ADAMTSL1: variants seen among roughly 807,000 people sequenced by gnomAD.
The protein encoded by ADAMTSL1 is ADAMTS-like protein 1.
A neutral mutation model predicts 201.8 loss-of-function variants in ADAMTSL1; 126 were observed. The ratio of observed to expected loss-of-function variants is 0.62; its 90% CI spans 0.54 to 0.72. The LOEUF (loss-of-function observed/expected upper bound fraction) is 0.72, where lower values mean the gene tolerates loss of function less well. ADAMTSL1 is among the 30% of genes least tolerant of loss of function. ADAMTSL1 has a pLI of 0.00. For missense variants in ADAMTSL1, 2,679 were observed against 2,277.8 expected (o/e 1.18, Z -3.59); for synonymous variants, 1,121 against 903.4 (o/e 1.24, Z -4.32).
intron 23 of ADAMTSL1, among the ~76,000 whole-genome samples, chr9:18,881,904 A>G (rs1303471361): frequency 6.6e-6 from 1 of 152,162 alleles, no homozygotes; most frequent in Non-Finnish European, 1.5e-5. Context: ...TGCACGAGGA[A>G]TAGCAGGCTG....
At chr9:18,623,243 C>CAAAA (rs11313686) in intron 5 of ADAMTSL1, among the ~76,000 whole-genome samples, 1 of 140,736 alleles carries the variant, frequency 7.1e-6, no homozygotes, top group Non-Finnish European at 1.5e-5. Flanking sequence ...TCAATACTAG[C>CAAAA]AAAAAAAAAA....
intron 2 of ADAMTSL1, among the ~76,000 whole-genome samples, chr9:18,318,829 T>G (rs968480668): frequency 6.6e-6 from 1 of 152,212 alleles, no homozygotes; most frequent in Admixed American, 6.5e-5. Flanking sequence ...TAAAGGATAT[T>G]ATATGCCAAG....
intron 1 of ADAMTSL1, among the ~76,000 whole-genome samples, chr9:18,154,924 T>G (rs909387729): frequency 2.6e-5 from 4 of 152,048 alleles, no homozygotes; most frequent in Admixed American, 6.6e-5. Context: ...TGATATACAT[T>G]TCTCCTGATT....
intron 2 of ADAMTSL1, among the ~76,000 whole-genome samples, chr9:18,286,531 A>G (rs933760353): frequency 6.6e-6 from 1 of 152,198 alleles, no homozygotes; most frequent in Non-Finnish European, 1.5e-5. Flanking sequence ...GCATCCAAAG[A>G]TAATGATAGT....
chr9:17,922,781 G>T (rs1161294909), intron 1 of ADAMTSL1, among the ~76,000 whole-genome samples: 1 of 152,092 alleles, frequency 6.6e-6, no homozygotes, highest in East Asian at 1.9e-4. Flanking sequence ...GTTACATCAT[G>T]AACTAAAGGT....
chr9:18,796,128 A>G lies in ADAMTSL1; in HGVS notation c.3805+604A>G, dbSNP rs571241370. ...CAACTCAGAGTACCATGTCTCCCAT[A>G]GTTGTGGTCTTGTAGTAAAAGACAT... is the stretch of plus-strand genomic sequence containing the variant. On this transcript the variant is annotated intron_variant, in intron 20 of 28. Coordinates refer to ENST00000380548, the MANE Select transcript of ADAMTSL1 (RefSeq NM_001040272.6). Among the ~76,000 whole-genome samples, 13 of 152,306 alleles carry G rather than the reference A, an allele frequency of 8.5e-5. No homozygotes were observed. The South Asian group carries it at 2.3e-3, about 27-fold the overall frequency.
In ADAMTSL1 at chr9:18,706,805, C is replaced by T. The variant is rs761956033; in HGVS notation, c.1633C>T (p.Arg545Ter). The T allele has an allele frequency of 1.9e-6, 3 of 1,609,194 alleles. No individual in the cohort carries two copies. Among genetic ancestry groups the T allele is most frequent in the African/African-American group, 1.3e-5 (1 of 74,820 alleles). ...TVTCGVGTQV[R>*]IVRCQVLLSF... ...CACCTGTGGTGTGGGGACCCAGGTG[C>T]GAATAGTCAGGTGCCAGGTGCTCCT... The change falls in exon 14 of 29, where the codon CGA becomes TGA. Residue 545 changes from arginine (R) to a stop codon, truncating the protein, a stop_gained. Coordinates refer to ENST00000380548, the MANE Select transcript of ADAMTSL1 (RefSeq NM_001040272.6). LOFTEE classifies it high-confidence loss of function.
At chr9:18,556,926 T>C (rs1017347198) in intron 3 of ADAMTSL1, among the ~76,000 whole-genome samples, 1 of 152,048 alleles carries the variant, frequency 6.6e-6, no homozygotes, top group African/African-American at 2.4e-5. Context: ...TGAAGCTTTT[T>C]GAGACCTGAA....
At chr9:18,841,714 T>C (rs1192239185) in intron 23 of ADAMTSL1, among the ~76,000 whole-genome samples, 11 of 152,138 alleles carry the variant, frequency 7.2e-5, no homozygotes, top group African/African-American at 1.9e-4. Flanking sequence ...ACAATTTCAG[T>C]TCCTGTTATT....
intron 1 of ADAMTSL1, among the ~76,000 whole-genome samples, chr9:18,073,622 C>T (rs1201332402): frequency 2.0e-5 from 3 of 152,168 alleles, no homozygotes; most frequent in East Asian, 1.9e-4. Context: ...AAAATATGAA[C>T]ACTTTCACGT....
intron 22 of ADAMTSL1, among the ~76,000 whole-genome samples, chr9:18,827,513 A>C (rs1824655876): frequency 6.6e-6 from 1 of 152,206 alleles, no homozygotes; most frequent in African/African-American, 2.4e-5. Context: ...GAAGCCACAG[A>C]AAACTGGCTC....
At chr9:18,901,038 C>T (rs1203416850) in intron 26 of ADAMTSL1, among the ~76,000 whole-genome samples, 10 of 152,112 alleles carry the variant, frequency 6.6e-5, no homozygotes, top group Non-Finnish European at 1.3e-4. Context: ...CTCCTCTTGC[C>T]TTCCTCTATG....
intron 26 of ADAMTSL1, among the ~76,000 whole-genome samples, chr9:18,898,312 G>C (rs1333595044): frequency 1.3e-5 from 2 of 152,214 alleles, no homozygotes; most frequent in Non-Finnish European, 2.9e-5. Context: ...AGCCAGTTTA[G>C]AGGAGGAGCA....
At chr9:18,645,420 T>C (rs1322502546) in intron 7 of ADAMTSL1, among the ~76,000 whole-genome samples, 1 of 152,006 alleles carries the variant, frequency 6.6e-6, no homozygotes, top group Non-Finnish European at 1.5e-5. Flanking sequence ...GTTTTGGCTT[T>C]TGTTGCCATT....
Position 18,777,467 on chromosome 9 carries a change from G to A in ADAMTSL1, c.3238G>A (p.Asp1080Asn), listed in dbSNP as rs770911946. Residue 1080 changes from aspartate (D) to asparagine (N), a missense_variant, in exon 19 of 29, where the codon GAC becomes AAC. Transcript: ENST00000380548. ...TMVTEQRRLD[D>N]ILGNLSQQPE... is the part of the protein sequence containing the mutation. Reference sequence around the variant, plus strand: ...GGTGACCGAGCAGCGGCGCCTGGACGACATCCTGGGGAACCTCTCCCAGCA... The same window carrying A: ...GGTGACCGAGCAGCGGCGCCTGGACAACATCCTGGGGAACCTCTCCCAGCA... 32 of 1,593,768 alleles carry A rather than the reference G, an allele frequency of 2.0e-5. No individual in the cohort carries two copies. The highest frequency in any genetic ancestry group is 2.6e-5 in the Non-Finnish European group (31 of 1,170,560).
intron 1 of ADAMTSL1, among the ~76,000 whole-genome samples, chr9:18,492,446 A>G (rs1289409652): frequency 2.0e-5 from 3 of 152,214 alleles, no homozygotes; most frequent in Non-Finnish European, 4.4e-5. Context: ...AGGATCTGCC[A>G]TAGGTTCTGG....
intron 1 of ADAMTSL1, among the ~76,000 whole-genome samples, chr9:18,090,925 G>A (rs1481475179): frequency 6.6e-6 from 1 of 151,882 alleles, no homozygotes; most frequent in Non-Finnish European, 1.5e-5. Context: ...CTTATTCTGG[G>A]CTGTGTACAC....
chr9:18,647,163 G>C (rs1827869092), intron 7 of ADAMTSL1, among the ~76,000 whole-genome samples: 1 of 152,134 alleles, frequency 6.6e-6, no homozygotes, highest in African/African-American at 2.4e-5. Context: ...AGATTTTCTA[G>C]TTTATTTGTG....
chr9:18,582,672 C>T (rs921628505), intron 4 of ADAMTSL1, among the ~76,000 whole-genome samples: 1 of 151,722 alleles, frequency 6.6e-6, no homozygotes, highest in Non-Finnish European at 1.5e-5. Flanking sequence ...CATGGTGAAA[C>T]CCCATCTCTA....
Sources: gnomAD v4.1 joint callset for allele counts (sites outside exome capture counted in the v4.1 genomes callset) on GRCh38, gnomAD v4.1.1 for gene constraint, MANE v1.5 for transcripts, NCBI Gene and HGNC (gene_info 2026-07-23, HGNC 2026-07-21) for gene names.